TRIM23: variants seen among roughly 807,000 people sequenced by gnomAD.
TRIM23 encodes tripartite motif containing 23.
Under a neutral mutation model 71.0 loss-of-function variants are expected in TRIM23, and 27 were observed. That is an observed-to-expected ratio of 0.38 (90% CI 0.28 to 0.52). The LOEUF (loss-of-function observed/expected upper bound fraction) is 0.52. Among genes scored for constraint, TRIM23 ranks in the 20% least tolerant of loss-of-function variants. The pLI, the probability that TRIM23 is intolerant of heterozygous loss-of-function variation, is 0.84. For missense variants in TRIM23, 482 were observed against 692.3 expected (o/e 0.70, Z 3.41); for synonymous variants, 234 against 238.0 (o/e 0.98, Z 0.16).
intron 9 of TRIM23, among the ~76,000 whole-genome samples, chr5:65,594,956 G>C (rs1754157815): frequency 6.6e-6 from 1 of 152,134 alleles, no homozygotes; most frequent in Non-Finnish European, 1.5e-5. Context: ...TATGCCTCAT[G>C]ATCCTCTACC....
chr5:65,621,829 A>G (rs1008655737), intron 1 of TRIM23, among the ~76,000 whole-genome samples: 5 of 151,502 alleles, frequency 3.3e-5, no homozygotes, highest in African/African-American at 1.2e-4. Flanking sequence ...ATTTATTATT[A>G]TTATTATTTT....
chr5:65,603,934 CT>C (rs150940138), intron 7 of TRIM23, among the ~76,000 whole-genome samples: 1,561 of 148,774 alleles, frequency 0.01, 32 homozygotes, highest in African/African-American at 0.036. Context: ...CATTATTAAA[CT>C]TTTTTGGTGT....
In TRIM23 at chr5:65,609,375, T is replaced by G. The variant is rs751628860; in HGVS notation, c.912A>C (p.Glu304Asp). ...GAGCATCAACAACACTTAGAGCCATTTCTTCTTGACGACACAGAGTTTCAT... is the reference window on the plus strand; with the variant it reads ...GAGCATCAACAACACTTAGAGCCATGTCTTCTTGACGACACAGAGTTTCAT... ...DLHETLCRQE[E>D]MALSVVDAHV... Residue 304 changes from glutamate (E) to aspartate (D), a missense_variant, in exon 6 of 11, where the codon GAA (glutamate) becomes GAC (aspartate). By Grantham distance (45) the Glu-to-Asp change is conservative. Coordinates refer to ENST00000231524, the MANE Select transcript of TRIM23 (RefSeq NM_001656.4). 10 of 1,614,134 alleles carry G rather than the reference T, an allele frequency of 6.2e-6. No homozygotes were observed. The Admixed American group carries it at 1.7e-4, about 27-fold the overall frequency.
Position 65,611,755 on chromosome 5 carries a change from G to A in TRIM23, c.493C>T (p.Arg165Ter), listed in dbSNP as rs118067247. ...HSTKTLAKHR[R>*]VPLADKPHEK... ...TGAGGTTTATCAGCTAGAGGAACTC[G>A]CCTGTGCTTTGCTAATGTCTTTGTA... The change falls in exon 4 of 11, where the codon CGA becomes TGA. Residue 165 changes from arginine to a stop codon, truncating the protein, a stop_gained. Transcript: ENST00000231524. LOFTEE classifies it high-confidence loss of function. 9 of 1,614,012 alleles carry A rather than the reference G, an allele frequency of 5.6e-6. No individual in the cohort carries two copies. The highest frequency in any genetic ancestry group is 2.2e-5 in the South Asian group (2 of 91,086).
At position 65,591,657 on chromosome 5, in the gene TRIM23, A is replaced by ATATG; in HGVS notation, c.*111_*112insCATA. 1.0e-6 allele frequency: 1 copy of ATATG among 958,512 alleles called. No homozygotes were observed. The highest frequency in any genetic ancestry group is 1.4e-6 in the Non-Finnish European group (1 of 718,602). The allele number at this position is 958,512 out of a possible 1,614,324, so 59.4% of individuals were successfully genotyped here. On this transcript the variant is annotated 3_prime_UTR_variant, in exon 11 of 11. Transcript: ENST00000231524. ...ATCCAAGATTCCTTTATATATATAT[A>ATATG]TATATATATGCATCCTAAATTACCA...
chr5:65,601,857 C>A (rs1359344743), intron 7 of TRIM23, among the ~76,000 whole-genome samples: 1 of 151,876 alleles, frequency 6.6e-6, no homozygotes, highest in Non-Finnish European at 1.5e-5. Flanking sequence ...TCTACATTGG[C>A]CCCTTTCAGC....
intron 2 of TRIM23, among the ~76,000 whole-genome samples, chr5:65,617,321 G>A (rs928248659): frequency 1.3e-5 from 2 of 151,828 alleles, no homozygotes; most frequent in African/African-American, 4.8e-5. Flanking sequence ...TCCTTTTTTG[G>A]TGGATAAATT....
At chr5:65,598,306 G>C (rs1754263329) in intron 7 of TRIM23, among the ~76,000 whole-genome samples, 1 of 152,116 alleles carries the variant, frequency 6.6e-6, no homozygotes, top group Non-Finnish European at 1.5e-5. Context: ...ACAGCACCCA[G>C]GCCATAAAAC....
intron 8 of TRIM23, 131 bp from the exon 9 acceptor site, chr5:65,596,662 C>T: frequency 1.6e-6 from 1 of 638,666 alleles, no homozygotes; most frequent in Non-Finnish European, 2.7e-6. Context: ...CTACTGAAGC[C>T]TAATCAACCC....
intron 2 of TRIM23, among the ~76,000 whole-genome samples, chr5:65,616,086 T>C (rs1259511974): frequency 6.6e-6 from 1 of 152,208 alleles, no homozygotes; most frequent in Non-Finnish European, 1.5e-5. Flanking sequence ...TCAATGAACA[T>C]CACACAGTGA....
rs543445432 is a variant in TRIM23, at chr5:65,603,739, G to C, written c.1179+1172C>G. Among the ~76,000 whole-genome samples the C allele has an allele frequency of 3.3e-5, 5 of 152,090 alleles. No homozygotes were observed. The East Asian group carries it at 9.6e-4, about 29-fold the overall frequency. On this transcript the variant is annotated intron_variant, in intron 7 of 10. Coordinates refer to ENST00000231524, the MANE Select transcript of TRIM23 (RefSeq NM_001656.4). ...AAATGGAAAGCAAAATGGTACACAT[G>C]AACACTTTTTAATCAGGGAGAACCC...
At chr5:65,595,594 G>T (rs1561740891) in intron 9 of TRIM23, among the ~76,000 whole-genome samples, 3 of 151,278 alleles carry the variant, frequency 2.0e-5, no homozygotes, top group African/African-American at 4.9e-5. Flanking sequence ...TGAATGTGGT[G>T]GCATATACCT....
chr5:65,598,780 G>A (rs1754281175), intron 7 of TRIM23, among the ~76,000 whole-genome samples: 2 of 151,298 alleles, frequency 1.3e-5, no homozygotes, highest in African/African-American at 4.9e-5. Flanking sequence ...TAAAGGGATT[G>A]TACGCCATGA....
chr5:65,591,377 T>C lies in TRIM23; in HGVS notation c.*392A>G. 2.6e-6 allele frequency: 4 copies of C among 1,538,838 alleles called. No homozygotes were observed. In the South Asian group the frequency reaches 3.8e-5, roughly 15 times the overall value. The stretch of plus-strand genomic sequence containing the variant: ...AAAGAAGCAGCTATACTTCACTTGC[T>C]TCACACAGAGGTCTCATTAGGCACT... On this transcript the variant is annotated 3_prime_UTR_variant, in exon 11 of 11. Transcript: ENST00000231524.
intron 7 of TRIM23, among the ~76,000 whole-genome samples, chr5:65,603,611 A>T (rs1325984965): frequency 6.6e-6 from 1 of 152,310 alleles, no homozygotes; most frequent in African/African-American, 2.4e-5. Flanking sequence ...TAAAAGCTAG[A>T]TTTCTCTGAA....
chr5:65,599,928 C>G (rs955838176), intron 7 of TRIM23, among the ~76,000 whole-genome samples: 3 of 152,144 alleles, frequency 2.0e-5, no homozygotes, highest in Non-Finnish European at 4.4e-5. Context: ...TTAATTGGCT[C>G]ACAGTTCCAC....
At position 65,617,014 on chromosome 5, in the gene TRIM23, C is replaced by T. The variant is rs573745590; in HGVS notation, c.244+1079G>A. Among the ~76,000 whole-genome samples, 13 of 152,248 alleles carry T rather than the reference C, an allele frequency of 8.5e-5. No individual in the cohort carries two copies. The South Asian group carries it at 2.7e-3, about 32-fold the overall frequency. Reference sequence around the variant, plus strand: ...TGGATTACAGGTATGAGCCACCTCACCTGGCCTAAGTATAGTTTTATATAA... The same window carrying T: ...TGGATTACAGGTATGAGCCACCTCATCTGGCCTAAGTATAGTTTTATATAA... On this transcript the variant is annotated intron_variant, in intron 2 of 10. Coordinates refer to ENST00000231524, the MANE Select transcript of TRIM23 (RefSeq NM_001656.4).
intron 7 of TRIM23, among the ~76,000 whole-genome samples, chr5:65,599,031 T>G (rs971738079): frequency 2.0e-5 from 3 of 152,094 alleles, no homozygotes; most frequent in African/African-American, 7.2e-5. Context: ...AACTGAAAGC[T>G]TTTTCTCTAA....
At chr5:65,613,347 CA>C (rs1754699777) in intron 3 of TRIM23, among the ~76,000 whole-genome samples, 1 of 152,158 alleles carries the variant, frequency 6.6e-6, no homozygotes, top group Non-Finnish European at 1.5e-5. Context: ...ATAAAGAAAT[CA>C]TCATCTAATG....
Sources: allele counts gnomAD v4.1 joint callset (sites outside exome capture counted in the v4.1 genomes callset), GRCh38; gene constraint gnomAD v4.1.1; transcripts MANE v1.5; gene names NCBI Gene and HGNC (gene_info 2026-07-23, HGNC 2026-07-21).